The following CFAP221 variants were observed in gnomAD, a reference collection of about 807,000 sequenced individuals.
The protein encoded by CFAP221 is cilia- and flagella-associated protein 221.
In CFAP221, 97 loss-of-function variants were observed where a neutral mutation model predicts 113.1. That is an observed-to-expected ratio of 0.86 (90% confidence interval 0.73 to 1.02). The LOEUF (loss-of-function observed/expected upper bound fraction) is 1.02. Among genes scored for constraint, CFAP221 ranks in the 50% least tolerant of loss-of-function variants. The pLI, the probability that CFAP221 is intolerant of heterozygous loss-of-function variation, is 0.00. For synonymous variants in CFAP221, 331 were observed against 354.4 expected (o/e 0.93, Z 0.74); for missense variants, 1,025 against 1,013.4 (o/e 1.01, Z -0.16).
At chr2:119,584,598 A>G (rs1683081065) in intron 6 of CFAP221, among the ~76,000 whole-genome samples, 1 of 152,028 alleles carries the variant, frequency 6.6e-6, no homozygotes, top group Admixed American at 6.6e-5. Flanking sequence ...AAAAAAAAAA[A>G]GAAGAATTTA....
chr2:119,637,773 C>T (rs1406367378), intron 19 of CFAP221, among the ~76,000 whole-genome samples: 1 of 152,200 alleles, frequency 6.6e-6, no homozygotes, highest in Non-Finnish European at 1.5e-5. Flanking sequence ...AAACACATTA[C>T]CAAAACAATG....
chr2:119,548,412 C>CT (rs1329675711), intron 2 of CFAP221, among the ~76,000 whole-genome samples: 1 of 152,172 alleles, frequency 6.6e-6, no homozygotes, highest in East Asian at 1.9e-4. Flanking sequence ...GCACAAAGCA[C>CT]TTACATAGAG....
chr2:119,573,301 G>A (rs753097047), intron 6 of CFAP221: 6 of 152,234 alleles, frequency 3.9e-5, no homozygotes, highest in South Asian at 4.1e-4. Flanking sequence ...CTCCCTACTC[G>A]GAGAGAAAAA....
intron 14 of CFAP221, among the ~76,000 whole-genome samples, chr2:119,624,770 A>G (rs1426778307): frequency 6.6e-6 from 1 of 152,176 alleles, no homozygotes; most frequent in East Asian, 1.9e-4. Flanking sequence ...TAACACAGGA[A>G]CAGAAAACCA....
intron 8 of CFAP221, chr2:119,601,697 A>G: frequency 4.7e-6 from 1 of 212,264 alleles, no homozygotes; most frequent in Non-Finnish European, 9.3e-6. Context: ...GAAAATTTAA[A>G]CAATAGGGCC....
At position 119,559,720 on chromosome 2, in the gene CFAP221, G is replaced by T. The variant is rs185475282; in HGVS notation, c.272G>T (p.Arg91Leu). The change falls in exon 4 of 24, where the codon CGT becomes CTT. Residue 91 changes from arginine to leucine, a missense_variant. Transcript: ENST00000413369. The part of the protein sequence containing the change: ...HLVNVSNEDT[R>L]VHILPPQTKY... ...GTCAATGTTTCCAATGAAGACACAC[G>T]TGTTCATATTTTACCCCCGCAAACC... The T allele has an allele frequency of 6.5e-7, 1 of 1,532,286 alleles. No homozygotes were observed. The allele number at this position is 1,532,286 out of a possible 1,614,324, so 94.9% of individuals were successfully genotyped here.
intron 14 of CFAP221, 35 bp from the exon 15 acceptor site, chr2:119,625,548 T>A (rs1262218370): frequency 3.2e-6 from 5 of 1,547,428 alleles, no homozygotes; most frequent in Non-Finnish European, 4.5e-6. Context: ...GTGTGTTGAT[T>A]AATAATTTGA....
intron 6 of CFAP221, among the ~76,000 whole-genome samples, chr2:119,571,884 A>G (rs1323772262): frequency 6.6e-6 from 1 of 152,234 alleles, no homozygotes; most frequent in African/African-American, 2.4e-5. Context: ...CATAGAATCA[A>G]TTGGGACAGA....
chr2:119,601,186 G>A (rs779884037), intron 7 of CFAP221, 32 bp from the exon 8 acceptor site: 54 of 1,490,474 alleles, frequency 3.6e-5, no homozygotes, highest in South Asian at 6.5e-5. Flanking sequence ...AAGAAGAGAG[G>A]GTATCACATT....
At chr2:119,650,093 T>C (rs1186149168) in intron 22 of CFAP221, among the ~76,000 whole-genome samples, 1 of 152,250 alleles carries the variant, frequency 6.6e-6, no homozygotes, top group Non-Finnish European at 1.5e-5. Flanking sequence ...TTATTACACA[T>C]GAGACTACAG....
intron 6 of CFAP221, chr2:119,580,903 A>T (rs967852833): frequency 6.5e-6 from 1 of 152,808 alleles, no homozygotes; most frequent in Admixed American, 6.5e-5. Context: ...CCACCTTTGC[A>T]CTTCCCACGA....
At chr2:119,551,390 T>C (rs1442021335) in intron 3 of CFAP221, among the ~76,000 whole-genome samples, 1 of 152,108 alleles carries the variant, frequency 6.6e-6, no homozygotes, top group Non-Finnish European at 1.5e-5. Context: ...CTTCTAAGAG[T>C]TTTATAGTTT....
At chr2:119,635,859 G>A (rs1687080586) in intron 19 of CFAP221, among the ~76,000 whole-genome samples, 1 of 152,128 alleles carries the variant, frequency 6.6e-6, no homozygotes, top group South Asian at 2.1e-4. Context: ...CTAGGAAAGG[G>A]TAGGCTCCAA....
intron 3 of CFAP221, among the ~76,000 whole-genome samples, chr2:119,558,863 A>G (rs1215443639): frequency 6.6e-6 from 1 of 152,094 alleles, no homozygotes; most frequent in Non-Finnish European, 1.5e-5. Context: ...ACAAAAAAAC[A>G]CAGGCAAACA....
rs143791138 is a variant in CFAP221 at position 119,630,491 on chromosome 2, G to A, written c.1732-79G>A. Reference sequence around the variant, plus strand: ...TCTTACTTTTACCACCAGGAAGCTCGGAAATGCTGTTGTTGAGAAGTAGAT... The same window carrying A: ...TCTTACTTTTACCACCAGGAAGCTCAGAAATGCTGTTGTTGAGAAGTAGAT... On this transcript the variant is annotated intron_variant, in intron 17 of 23. Coordinates refer to ENST00000413369, the MANE Select transcript of CFAP221 (RefSeq NM_001271049.2). The A allele has an allele frequency of 2.1e-5, 23 of 1,086,910 alleles. No homozygotes were observed. In the Admixed American group the frequency reaches 3.4e-4, roughly 16 times the overall value. The allele number at this position is 1,086,910 out of a possible 1,614,324, so 67.3% of individuals were successfully genotyped here. A position where few individuals can be genotyped will look rare whatever the true frequency, so the allele number is the denominator to read the frequency against.
intron 21 of CFAP221, among the ~76,000 whole-genome samples, chr2:119,640,161 T>G (rs1687394828): frequency 6.6e-6 from 1 of 151,976 alleles, no homozygotes; most frequent in African/African-American, 2.4e-5. Flanking sequence ...GGTCAATCTT[T>G]TTAAAATTCA....
At chr2:119,615,563 A>G in intron 13 of CFAP221, 48 bp from the exon 14 acceptor site, 1 of 1,323,378 alleles carries the variant, frequency 7.6e-7, no homozygotes, top group Non-Finnish European at 1.1e-6. Flanking sequence ...TGTTTATGAC[A>G]GGAGTTAAAA....
At chr2:119,600,010 T>G (rs2104658175) in intron 7 of CFAP221, among the ~76,000 whole-genome samples, 1 of 152,100 alleles carries the variant, frequency 6.6e-6, no homozygotes, top group African/African-American at 2.4e-5. Context: ...AGGGCATGTT[T>G]GGGGGGACTG....
intron 3 of CFAP221, among the ~76,000 whole-genome samples, chr2:119,557,595 T>C (rs1199690091): frequency 6.6e-6 from 1 of 152,224 alleles, no homozygotes; most frequent in Non-Finnish European, 1.5e-5. Flanking sequence ...CTGAGTATCC[T>C]TTCTGCTACT....
Sources: allele counts gnomAD v4.1 joint callset (sites outside exome capture counted in the v4.1 genomes callset), GRCh38; gene constraint gnomAD v4.1.1; transcripts MANE v1.5; gene names NCBI Gene and HGNC (gene_info 2026-07-23, HGNC 2026-07-21).